Variants in CNNM3 observed in about 807,000 individuals in gnomAD.
CNNM3 encodes the protein metal transporter CNNM3.
CNNM3 carries 47 observed loss-of-function variants against 57.1 expected under a neutral mutation model. The ratio of observed to expected loss-of-function variants is 0.82; its 90% CI spans 0.65 to 1.05. The LOEUF is 1.05. Ranked by LOEUF, CNNM3 falls within the 50% of genes least tolerant of loss-of-function variation. The pLI, the probability that CNNM3 is intolerant of heterozygous loss-of-function variation, is 0.00. For missense variants in CNNM3, 957 were observed against 973.7 expected (o/e 0.98, Z 0.23); for synonymous variants, 507 against 478.2 (o/e 1.06, Z -0.79).
In CNNM3 at chr2:96,817,343, C is replaced by T. The variant is rs149921109; in HGVS notation, c.1066C>T (p.Arg356Cys). ...GCGCATCCCGGTGTACGAGGAGGAG[C>T]GCTCCAACATCGTGGACATGCTCTA... is the stretch of plus-strand genomic sequence containing the variant. ...HTRIPVYEEE[R>C]SNIVDMLYLK... is the part of the protein sequence containing the mutation. Residue 356 changes from arginine (R) to cysteine (C), a missense_variant, in exon 1 of 8, where the codon CGC becomes TGC. Transcript: ENST00000305510. The T allele has an allele frequency of 5.6e-6, 9 of 1,614,026 alleles. No homozygotes were observed. The Admixed American group carries it at 6.7e-5, about 12-fold the overall frequency.
chr2:96,825,788 A>T (rs2079492220), intron 2 of CNNM3, among the ~76,000 whole-genome samples: 1 of 152,224 alleles, frequency 6.6e-6, no homozygotes, highest in Admixed American at 6.5e-5. Context: ...GTAGTCTCAC[A>T]TACTCAGGAG....
chr2:96,819,603 C>G (rs779068969), intron 1 of CNNM3, among the ~76,000 whole-genome samples: 1 of 151,934 alleles, frequency 6.6e-6, no homozygotes, highest in Non-Finnish European at 1.5e-5. Flanking sequence ...ACCAGACTTC[C>G]TTTTTTTTAG....
At chr2:96,824,013 G>C (rs1261075173) in intron 1 of CNNM3, among the ~76,000 whole-genome samples, 3 of 152,182 alleles carry the variant, frequency 2.0e-5, no homozygotes. Context: ...ACTATATTGG[G>C]TTACTTACAA....
chr2:96,826,678 G>C (rs1365920763), intron 2 of CNNM3, among the ~76,000 whole-genome samples, 155 bp from the exon 3 acceptor site: 2 of 152,164 alleles, frequency 1.3e-5, no homozygotes, highest in Non-Finnish European at 2.9e-5. Flanking sequence ...CCCGTGGAGG[G>C]AGCGGTGCTG....
In CNNM3 at chr2:96,834,653, A is replaced by C. The variant is rs925367802; in HGVS notation, c.*2037A>C. On this transcript the variant is annotated 3_prime_UTR_variant, in exon 8 of 8. Transcript: ENST00000305510. The stretch of plus-strand genomic sequence containing the variant: ...CGTGAGCCACCGTGCCCAGATTCAC[A>C]GAAGTTTCATACACCTTTCACCCAG... 1.0e-5 allele frequency among the ~76,000 whole-genome samples: 1 copy of C among 98,848 alleles called. No individual in the cohort carries two copies. The highest frequency in any genetic ancestry group is 1.6e-5 in the Non-Finnish European group (1 of 60,680). The allele number at this position is 98,848 out of a possible 152,430, so 64.8% of individuals were successfully genotyped here. A position where few individuals can be genotyped will look rare whatever the true frequency, so the allele number is the denominator to read the frequency against.
At chr2:96,823,788 C>T (rs1173755921) in intron 1 of CNNM3, among the ~76,000 whole-genome samples, 4 of 152,288 alleles carry the variant, frequency 2.6e-5, no homozygotes, top group African/African-American at 9.6e-5. Flanking sequence ...TAGTGACAAA[C>T]GAGGGCCTGG....
rs59161358 is a variant in CNNM3 at position 96,834,330 on chromosome 2, T to TTTATTA, written c.*1741_*1746dup. 0.011 allele frequency among the ~76,000 whole-genome samples: 1,668 copies of TTTATTA among 146,458 alleles called. 23 individuals are homozygous for TTTATTA. The highest frequency in any genetic ancestry group is 0.035 in the African/African-American group (1,358 of 39,040). On this transcript the variant is annotated 3_prime_UTR_variant, in exon 8 of 8. Coordinates refer to ENST00000305510, the MANE Select transcript of CNNM3 (RefSeq NM_017623.5). ...ATCAGAGTTTTCAATTTTTTATTTATTTATTATTATTATTATTATTATTAT... is the reference window on the plus strand; with the variant it reads ...ATCAGAGTTTTCAATTTTTTATTTATTTATTATTATTATTATTATTATTATTATTAT...
Position 96,817,234 on chromosome 2 carries a change from GC to G in CNNM3, c.961del (p.Leu321SerfsTer99), listed in dbSNP as rs2079337000. The stretch of plus-strand genomic sequence containing the variant: ...GCCGGACCGTGGAGGACGTGCTCAC[GC>G]CCCTCGAAGACTGCTTCATGCTGGA... ...RCRTVEDVLT[P>X]LEDCFMLDAS... On this transcript the variant is annotated frameshift_variant, in exon 1 of 8. Coordinates refer to ENST00000305510, the MANE Select transcript of CNNM3 (RefSeq NM_017623.5). LOFTEE classifies it high-confidence loss of function. 2 of 1,605,128 alleles carry G rather than the reference GC, an allele frequency of 1.2e-6. No homozygotes were observed. The highest frequency in any genetic ancestry group is 1.7e-5 in the Admixed American group (1 of 59,914).
rs1481170240 is a variant in CNNM3, at chr2:96,834,414, G to A, written c.*1798G>A. Reference sequence around the variant, plus strand: ...GACTGGAGTGCAGTGGTGTGATCACGGCTTGCTGCAGCCTCGACCTCCCTG... The same window carrying A: ...GACTGGAGTGCAGTGGTGTGATCACAGCTTGCTGCAGCCTCGACCTCCCTG... On this transcript the variant is annotated 3_prime_UTR_variant, in exon 8 of 8. Coordinates refer to ENST00000305510, the MANE Select transcript of CNNM3 (RefSeq NM_017623.5). 6.6e-6 allele frequency among the ~76,000 whole-genome samples: 1 copy of A among 151,104 alleles called. No homozygotes were observed. Among genetic ancestry groups the A allele is most frequent in the African/African-American group, 2.4e-5 (1 of 41,082 alleles).
rs1399305896 is a variant in CNNM3, at chr2:96,816,538, G to A, written c.261G>A (p.Arg87=). The A allele has an allele frequency of 7.4e-7, 1 of 1,344,258 alleles. No individual in the cohort carries two copies. 83.3% of individuals were successfully genotyped at this position (1,344,258 alleles called of 1,614,324 possible). A position where few individuals can be genotyped will look rare whatever the true frequency, so the allele number is the denominator to read the frequency against. ...SWVAPEGAGC[R]EEAASPAGEW... ...TGGCCCCGGAGGGGGCGGGCTGCCG[G>A]GAGGAGGCGGCCTCCCCCGCGGGCG... is the stretch of plus-strand genomic sequence containing the variant. The change falls in exon 1 of 8, where the codon CGG becomes CGA. Residue 87 remains arginine (R), a synonymous_variant. Transcript: ENST00000305510.
In CNNM3 at chr2:96,833,122, T is replaced by A; in HGVS notation, c.*506T>A. 1.3e-6 allele frequency: 1 copy of A among 784,998 alleles called. No individual in the cohort carries two copies. Among genetic ancestry groups the A allele is most frequent in the Middle Eastern group, 4.0e-4 (1 of 2,524 alleles). 48.6% of individuals were successfully genotyped at this position (784,998 alleles called of 1,614,324 possible). A position where few individuals can be genotyped will look rare whatever the true frequency, so the allele number is the denominator to read the frequency against. On this transcript the variant is annotated 3_prime_UTR_variant, in exon 8 of 8. Transcript: ENST00000305510. The stretch of plus-strand genomic sequence containing the variant: ...TTCAGATCGATGGCCTTGTCCATGT[T>A]GTCCTTTCTGGCTTCCCTGATGGTG...
Position 96,833,010 on chromosome 2 carries a change from C to T in CNNM3, c.*394C>T, listed in dbSNP as rs1483545315. ...AGTTACTGCCTTTGTGTGGCCGTGA[C>T]CTCTATTTGTTTGCTTTTAATTTGC... On this transcript the variant is annotated 3_prime_UTR_variant, in exon 8 of 8. Transcript: ENST00000305510. The T allele has an allele frequency of 3.9e-5, 51 of 1,318,678 alleles. No individual in the cohort carries two copies. The highest frequency in any genetic ancestry group is 4.8e-5 in the Non-Finnish European group (48 of 1,008,228). The allele number at this position is 1,318,678 out of a possible 1,614,324, so 81.7% of individuals were successfully genotyped here.
chr2:96,836,439 C>T (rs1487151769), downstream of CNNM3, among the ~76,000 whole-genome samples: 1 of 152,050 alleles, frequency 6.6e-6, no homozygotes, highest in Non-Finnish European at 1.5e-5. Flanking sequence ...TGGGGTTTCT[C>T]CATGTTGGTC....
At chr2:96,835,469 CTT>C (rs535208227), downstream of CNNM3, among the ~76,000 whole-genome samples, 19 of 137,510 alleles carry the variant, frequency 1.4e-4, no homozygotes, top group South Asian at 2.3e-4. Flanking sequence ...AACAATCAAA[CTT>C]TTTTTTTTTT....
At position 96,816,425 on chromosome 2, in the gene CNNM3, C is replaced by T; in HGVS notation, c.148C>T (p.Arg50Cys). Residue 50 changes from arginine to cysteine, a missense_variant, in exon 1 of 8, where the codon CGC (arginine) becomes TGC (cysteine). By Grantham distance (180) the Arg-to-Cys change is radical. Transcript: ENST00000305510. ...TGGAGCGGCGGGCGCGGGTTGGGTACGCGGAGGGGCGGCGCGGGACACGCC... is the reference window on the plus strand; with the variant it reads ...TGGAGCGGCGGGCGCGGGTTGGGTATGCGGAGGGGCGGCGCGGGACACGCC... Reference protein sequence around the residue: ...EDGAAGAGWVRGGAARDTPDA... With the variant: ...EDGAAGAGWVCGGAARDTPDA... The T allele has an allele frequency of 7.2e-7, 1 of 1,384,322 alleles. No homozygotes were observed. Among genetic ancestry groups the T allele is most frequent in the Non-Finnish European group, 9.3e-7 (1 of 1,071,994 alleles). 85.8% of individuals were successfully genotyped at this position (1,384,322 alleles called of 1,614,324 possible).
At chr2:96,827,643 A>C in intron 3 of CNNM3, 88 bp from the exon 4 acceptor site, 1 of 1,391,460 alleles carries the variant, frequency 7.2e-7, no homozygotes, top group Non-Finnish European at 9.9e-7. Flanking sequence ...GGTGGGCACA[A>C]TAACTTTAAA....
At chr2:96,818,319 GTGATCCACTT>G (rs1574098559) in intron 1 of CNNM3, among the ~76,000 whole-genome samples, 1 of 151,552 alleles carries the variant, frequency 6.6e-6, no homozygotes, top group East Asian at 1.9e-4. Flanking sequence ...TCCTGACCAG[GTGATCCACTT>G]GCCTCGCCCT....
rs779823178 is a variant in CNNM3 at position 96,817,413 on chromosome 2, T to C, written c.1136T>C (p.Leu379Pro). The change falls in exon 1 of 8, where the codon CTC becomes CCC. Residue 379 changes from leucine to proline, a missense_variant. Leu to Pro is a moderately conservative substitution (Grantham distance 98). This residue lies in a region of CNNM3 where 491 missense variants were observed against 570.6 expected (regional missense o/e 0.86). Transcript: ENST00000305510. ...GTGGATCCCGAAGACTGCACGCCGC[T>C]CAGCACCATCACTCGTTTCTACAAC... ...AFVDPEDCTPLSTITRFYNHP... is the reference protein window; with the variant it reads ...AFVDPEDCTPPSTITRFYNHP... 1.9e-6 allele frequency: 3 copies of C among 1,614,090 alleles called. No individual in the cohort carries two copies. Among genetic ancestry groups the C allele is most frequent in the Admixed American group, 1.7e-5 (1 of 60,034 alleles).
rs552657529 is a variant in CNNM3 at position 96,817,344 on chromosome 2, G to T, written c.1067G>T (p.Arg356Leu). 1.2e-6 allele frequency: 2 copies of T among 1,614,132 alleles called. No individual in the cohort carries two copies. The highest frequency in any genetic ancestry group is 1.1e-5 in the South Asian group (1 of 91,088). Reference sequence around the variant, plus strand: ...CGCATCCCGGTGTACGAGGAGGAGCGCTCCAACATCGTGGACATGCTCTAC... The same window carrying T: ...CGCATCCCGGTGTACGAGGAGGAGCTCTCCAACATCGTGGACATGCTCTAC... ...HTRIPVYEEE[R>L]SNIVDMLYLK... is the part of the protein sequence containing the mutation. Residue 356 changes from arginine to leucine, a missense_variant, in exon 1 of 8, where the codon CGC (arginine) becomes CTC (leucine). Physicochemically the swap from Arg to Leu is moderately radical, Grantham distance 102. Coordinates refer to ENST00000305510, the MANE Select transcript of CNNM3 (RefSeq NM_017623.5).
Sources: allele counts gnomAD v4.1 joint callset (sites outside exome capture counted in the v4.1 genomes callset), GRCh38; gene constraint gnomAD v4.1.1; regional missense constraint gnomAD v4.1.1; transcripts MANE v1.5; gene names NCBI Gene and HGNC (gene_info 2026-07-23, HGNC 2026-07-21).